Variants in ATRIP observed in about 807,000 individuals in gnomAD.
The protein encoded by ATRIP is ATR-interacting protein.
ATRIP carries 44 observed loss-of-function variants against 78.1 expected under a neutral mutation model. The ratio of observed to expected loss-of-function variants is 0.56; its 90% confidence interval spans 0.44 to 0.72. The LOEUF (loss-of-function observed/expected upper bound fraction) is 0.72. ATRIP is among the 30% of genes least tolerant of loss of function. The probability of loss-of-function intolerance (pLI) is 0.00; values close to 1 mark genes in which losing one functional copy is unlikely to be tolerated. For missense variants in ATRIP, 927 were observed against 980.2 expected (o/e 0.95, Z 0.72); for synonymous variants, 388 against 408.9 (o/e 0.95, Z 0.62).
At position 48,467,297 on chromosome 3, in the gene ATRIP, C is replaced by T; in HGVS notation, c.*1743C>T. 6.2e-7 allele frequency: 1 copy of T among 1,614,158 alleles called. No homozygotes were observed. The highest frequency in any genetic ancestry group is 8.5e-7 in the Non-Finnish European group (1 of 1,180,030). On this transcript the variant is annotated 3_prime_UTR_variant, in exon 13 of 13. Coordinates refer to ENST00000320211, the MANE Select transcript of ATRIP (RefSeq NM_130384.3). ...GCATCTGTCAGTGGAGACCACAGGC[C>T]CTGCTGCGGTGGGTGGATGCTCACG... is the stretch of plus-strand genomic sequence containing the variant.
At chr3:48,449,238 A>T (rs1024841829) in intron 1 of ATRIP, among the ~76,000 whole-genome samples, 1 of 151,790 alleles carries the variant, frequency 6.6e-6, no homozygotes, top group Admixed American at 6.6e-5. Flanking sequence ...ATATGGTGAA[A>T]CCCCGTCTCT....
chr3:48,464,575 G>A lies in ATRIP; in HGVS notation c.1975-7G>A, dbSNP rs967506515. 3.1e-6 allele frequency: 5 copies of A among 1,614,192 alleles called. No homozygotes were observed. The South Asian group carries it at 5.5e-5, about 18-fold the overall frequency. On this transcript the variant is annotated splice_region_variant and splice_polypyrimidine_tract_variant and intron_variant, in intron 10 of 12. Coordinates refer to ENST00000320211, the MANE Select transcript of ATRIP (RefSeq NM_130384.3). The stretch of plus-strand genomic sequence containing the variant: ...CCCAGGATGGAACCAATCTGTTCTT[G>A]TTCTAGGTGGTGTGGCTCCTGGCTA...
chr3:48,447,094 T>C lies in ATRIP; in HGVS notation c.247+2T>C. Reference sequence around the variant, plus strand: ...CGGCCGCGGCTCGGGACGTGTCCAGTGAGTGCTCCTCGCGGCCTTTTGCTC... The same window carrying C: ...CGGCCGCGGCTCGGGACGTGTCCAGCGAGTGCTCCTCGCGGCCTTTTGCTC... On this transcript the variant is annotated splice_donor_variant, in intron 1 of 12. Transcript: ENST00000320211. LOFTEE classifies it high-confidence loss of function. 1 of 1,525,780 alleles carries C rather than the reference T, an allele frequency of 6.6e-7. No homozygotes were observed. The highest frequency in any genetic ancestry group is 8.8e-7 in the Non-Finnish European group (1 of 1,136,560). The allele number at this position is 1,525,780 out of a possible 1,614,324, so 94.5% of individuals were successfully genotyped here. A position where few individuals can be genotyped will look rare whatever the true frequency, so the allele number is the denominator to read the frequency against.
rs2040309418 is a variant in ATRIP at position 48,466,552 on chromosome 3, G to C, written c.*998G>C. The C allele has an allele frequency of 1.9e-6, 3 of 1,613,842 alleles. No individual in the cohort carries two copies. Among genetic ancestry groups the C allele is most frequent in the Non-Finnish European group, 1.7e-6 (2 of 1,179,970 alleles). On this transcript the variant is annotated 3_prime_UTR_variant, in exon 13 of 13. Transcript: ENST00000320211. ...CAGGGAAGGCCTGAGATGTGCTTCT[G>C]CCCACCCCCTACCCCACTCCCTCCC...
chr3:48,459,473 C>T lies in ATRIP; in HGVS notation c.925+19C>T. ...ACTCAAGGTACCAGAATCCCTGCTT[C>T]TCCTGCAGGGGCCTGCATGGCTCTG... On this transcript the variant is annotated intron_variant, in intron 6 of 12. Transcript: ENST00000320211. 3.1e-6 allele frequency: 5 copies of T among 1,596,732 alleles called. No individual in the cohort carries two copies. The highest frequency in any genetic ancestry group is 4.3e-6 in the Non-Finnish European group (5 of 1,164,360).
At chr3:48,459,325 C>A in intron 5 of ATRIP, 34 bp from the exon 6 acceptor site, 1 of 1,576,402 alleles carries the variant, frequency 6.3e-7, no homozygotes. Context: ...TGCTTCTGGG[C>A]TCAAGTTTTG....
chr3:48,446,877 G>C lies in ATRIP; in HGVS notation c.32G>C (p.Arg11Thr), dbSNP rs757688146. MAGTSAPGSK[R>T]RSEPPAPRPG... is the part of the protein sequence containing the mutation. ...GGGACCTCCGCGCCAGGCAGCAAGA[G>C]GCGGAGCGAGCCCCCGGCGCCTCGC... is the stretch of plus-strand genomic sequence containing the variant. The change falls in exon 1 of 13, where the codon AGG becomes ACG. Residue 11 changes from arginine to threonine, a missense_variant. Physicochemically the swap from Arg to Thr is moderately conservative, Grantham distance 71. Transcript: ENST00000320211. 1.1e-5 allele frequency: 15 copies of C among 1,401,080 alleles called. No individual in the cohort carries two copies. Among genetic ancestry groups the C allele is most frequent in the South Asian group, 1.9e-5 (1 of 53,706 alleles). 86.8% of individuals were successfully genotyped at this position (1,401,080 alleles called of 1,614,324 possible).
At chr3:48,450,741 G>A (rs2039814303) in intron 2 of ATRIP, among the ~76,000 whole-genome samples, 1 of 151,870 alleles carries the variant, frequency 6.6e-6, no homozygotes, top group African/African-American at 2.4e-5. Flanking sequence ...TGTGCACCAC[G>A]ACGCCCAGCT....
chr3:48,454,921 G>A (rs1439147761), intron 4 of ATRIP, among the ~76,000 whole-genome samples: 1 of 150,040 alleles, frequency 6.7e-6, no homozygotes, highest in Non-Finnish European at 1.5e-5. Context: ...GGAGTACAGT[G>A]GTACAATCTC....
rs1312834489 is a variant in ATRIP at position 48,467,342 on chromosome 3, C to G, written c.*1788C>G. The G allele has an allele frequency of 6.2e-7, 1 of 1,614,192 alleles. No individual in the cohort carries two copies. ...CTCACGCCAGGCCTTTCGGCACCAT[C>G]AGGCCCATGTATGGGGTCACAGCCT... On this transcript the variant is annotated 3_prime_UTR_variant, in exon 13 of 13. Transcript: ENST00000320211.
chr3:48,455,467 T>C (rs143144142), intron 4 of ATRIP, among the ~76,000 whole-genome samples: 1 of 152,198 alleles, frequency 6.6e-6, no homozygotes, highest in East Asian at 1.9e-4. Context: ...GCCCTTTTTC[T>C]ATTTAAAGTC....
intron 8 of ATRIP, 115 bp from the exon 9 acceptor site, chr3:48,463,630 A>G: frequency 7.1e-7 from 1 of 1,412,680 alleles, no homozygotes; most frequent in South Asian, 1.4e-5. Context: ...GGCTGAACCA[A>G]CTCACCTGTT....
chr3:48,465,259 G>A (rs2040247466), intron 12 of ATRIP, among the ~76,000 whole-genome samples, 176 bp downstream of exon 12: 1 of 152,246 alleles, frequency 6.6e-6, no homozygotes, highest in African/African-American at 2.4e-5. Flanking sequence ...ATATTGGGAT[G>A]CCTTTTGCAT....
chr3:48,447,120 G>T, intron 1 of ATRIP, 28 bp downstream of exon 1: 3 of 1,466,772 alleles, frequency 2.0e-6, no homozygotes, highest in South Asian at 2.7e-5. Flanking sequence ...CCTTTTGCTC[G>T]GAGGGAGTTG....
intron 1 of ATRIP, among the ~76,000 whole-genome samples, chr3:48,448,173 T>C (rs1265419019): frequency 2.0e-5 from 3 of 150,266 alleles, no homozygotes; most frequent in African/African-American, 4.9e-5. Context: ...TTTTTTTTTT[T>C]TTTTTTTTGA....
At position 48,460,438 on chromosome 3, in the gene ATRIP, A is replaced by C; in HGVS notation, c.1384A>C (p.Thr462Pro). The C allele has an allele frequency of 6.2e-7, 1 of 1,612,104 alleles. No homozygotes were observed. The highest frequency in any genetic ancestry group is 8.5e-7 in the Non-Finnish European group (1 of 1,178,958). ...CTCCTGCGTGAGCTCTGGGGTAGAG[A>C]CCAACCCTGAGGACTCAGTGTGCAT... ...HSSCVSSGVETNPEDSVCILE... is the reference protein window; with the variant it reads ...HSSCVSSGVEPNPEDSVCILE... The change falls in exon 8 of 13, where the codon ACC becomes CCC. Residue 462 changes from threonine to proline, a missense_variant. Transcript: ENST00000320211.
intron 8 of ATRIP, 80 bp downstream of exon 8, chr3:48,460,879 T>G: frequency 7.4e-7 from 1 of 1,351,956 alleles, no homozygotes; most frequent in South Asian, 1.4e-5. Context: ...ACTTGTACTT[T>G]GCTCACATCT....
intron 5 of ATRIP, 112 bp downstream of exon 5, chr3:48,457,528 C>A: frequency 1.2e-6 from 1 of 860,996 alleles, no homozygotes; most frequent in Non-Finnish European, 1.6e-6. Flanking sequence ...TGACAAGGCA[C>A]AGAGGGGACA....
chr3:48,466,860 CTG>C lies in ATRIP; in HGVS notation c.*1313_*1314del, dbSNP rs74689946. On this transcript the variant is annotated 3_prime_UTR_variant, in exon 13 of 13. Coordinates refer to ENST00000320211, the MANE Select transcript of ATRIP (RefSeq NM_130384.3). Reference sequence around the variant, plus strand: ...ACCGCGTGTGGTAGACAAGCTCTCCCTGTGTGTGGCTCCGGGGAAGGCCTGCA... The same window carrying C: ...ACCGCGTGTGGTAGACAAGCTCTCCCTGTGTGGCTCCGGGGAAGGCCTGCA... 5.6e-6 allele frequency: 9 copies of C among 1,613,774 alleles called. No homozygotes were observed. Among genetic ancestry groups the C allele is most frequent in the Non-Finnish European group, 2.5e-6 (3 of 1,180,036 alleles).
Sources: allele counts gnomAD v4.1 joint callset (sites outside exome capture counted in the v4.1 genomes callset), GRCh38; gene constraint gnomAD v4.1.1; transcripts MANE v1.5; gene names NCBI Gene and HGNC (gene_info 2026-07-23, HGNC 2026-07-21).